Variants in MEGF11 observed in about 807,000 individuals in gnomAD.
MEGF11 encodes multiple EGF like domains 11.
In MEGF11, 126 loss-of-function variants were observed where a neutral mutation model predicts 146.6. That is an observed-to-expected ratio of 0.86 (90% CI 0.74 to 1.00). The LOEUF is 1.00. Ranked by LOEUF, MEGF11 falls within the 50% of genes least tolerant of loss-of-function variation. MEGF11 has a pLI of 0.00. For missense variants in MEGF11, 1,509 were observed against 1,521.2 expected (o/e 0.99, Z 0.13); for synonymous variants, 532 against 583.4 (o/e 0.91, Z 1.27).
intron 1 of MEGF11, among the ~76,000 whole-genome samples, chr15:66,145,338 TA>T (rs201415893): frequency 2.8e-3 from 403 of 143,912 alleles, no homozygotes; most frequent in African/African-American, 7.1e-3. Flanking sequence ...GAAAAGGAGG[TA>T]AAAAAAAAAA....
At chr15:66,225,846 C>T (rs1035963480) in intron 1 of MEGF11, among the ~76,000 whole-genome samples, 1 of 152,156 alleles carries the variant, frequency 6.6e-6, no homozygotes. Flanking sequence ...TAACAGCTTA[C>T]ATACATATAC....
chr15:65,913,356 G>C (rs1263669969), intron 20 of MEGF11, among the ~76,000 whole-genome samples: 1 of 152,194 alleles, frequency 6.6e-6, no homozygotes, highest in Non-Finnish European at 1.5e-5. Flanking sequence ...TGAGCTCTGG[G>C]CACTGGGCTC....
intron 9 of MEGF11, among the ~76,000 whole-genome samples, chr15:65,961,677 C>T (rs2080862405): frequency 1.3e-5 from 2 of 152,234 alleles, no homozygotes; most frequent in African/African-American, 2.4e-5. Flanking sequence ...AATCTCTGTG[C>T]AGCAGCCTTG....
chr15:66,016,068 G>A (rs924726913), intron 5 of MEGF11, among the ~76,000 whole-genome samples: 1 of 151,950 alleles, frequency 6.6e-6, no homozygotes, highest in African/African-American at 2.4e-5. Context: ...GAATGGGAGA[G>A]GGCAAAGAAT....
intron 5 of MEGF11, among the ~76,000 whole-genome samples, chr15:66,092,599 C>G (rs2086364106): frequency 6.6e-6 from 1 of 152,178 alleles, no homozygotes; most frequent in South Asian, 2.1e-4. Flanking sequence ...ACTGCCTAGT[C>G]CTGTTCATCA....
rs2078896772 is a variant in MEGF11 at position 65,913,803 on chromosome 15, C to A, written c.2644G>T (p.Asp882Tyr). ...HRRRQKEKGR[D>Y]LAPRVSYTPA... ...GTGTAGGAGACACGGGGAGCCAGGT[C>A]TCGGCCCTTCTCTTTCTGCCGCCGC... is the stretch of plus-strand genomic sequence containing the variant. The change falls in exon 20 of 26, where the codon GAC (aspartate) becomes TAC (tyrosine). Residue 882 changes from aspartate to tyrosine, a missense_variant. Coordinates refer to ENST00000395614, the MANE Select transcript of MEGF11 (RefSeq NM_001385028.1). 6.2e-7 allele frequency: 1 copy of A among 1,613,866 alleles called. No homozygotes were observed. The highest frequency in any genetic ancestry group is 8.5e-7 in the Non-Finnish European group (1 of 1,179,826).
At chr15:65,915,647 C>T (rs374348098) in intron 18 of MEGF11, 49 bp from the exon 19 acceptor site, 93 of 1,596,790 alleles carry the variant, frequency 5.8e-5, no homozygotes, top group African/African-American at 4.6e-4. Flanking sequence ...CTCTCCACCC[C>T]TCCCCTTCCA....
chr15:66,139,802 C>T (rs541291053), intron 1 of MEGF11, among the ~76,000 whole-genome samples: 1 of 152,222 alleles, frequency 6.6e-6, no homozygotes, highest in Middle Eastern at 3.4e-3. Flanking sequence ...CTGAGGGTTC[C>T]GTGGAAGAAT....
At chr15:66,150,428 T>C (rs1442335097) in intron 1 of MEGF11, among the ~76,000 whole-genome samples, 3 of 152,158 alleles carry the variant, frequency 2.0e-5, no homozygotes, top group Non-Finnish European at 4.4e-5. Context: ...CTACTCAGAA[T>C]GAAGACTTCC....
chr15:66,200,587 GA>G (rs1175473004), intron 1 of MEGF11, among the ~76,000 whole-genome samples: 1 of 152,110 alleles, frequency 6.6e-6, no homozygotes, highest in Non-Finnish European at 1.5e-5. Context: ...GAGGTGACAG[GA>G]ATGACAGAGC....
rs76496103 is a variant in MEGF11 at position 66,012,445 on chromosome 15, C to T, written c.395-29957G>A. ...GGATGACAGACCCCAAAGCTAGAGC[C>T]AATGGGATGTCTTCAAGCGCCTGCC... is the stretch of plus-strand genomic sequence containing the variant. On this transcript the variant is annotated intron_variant, in intron 5 of 25. Transcript: ENST00000395614. Among the ~76,000 whole-genome samples the T allele has an allele frequency of 7.2e-3, 1,089 of 152,254 alleles. 13 individuals are homozygous for T. Among genetic ancestry groups the T allele is most frequent in the African/African-American group, 0.025 (1,052 of 41,534 alleles).
intron 1 of MEGF11, among the ~76,000 whole-genome samples, chr15:66,201,845 G>C (rs953385343): frequency 1.3e-5 from 2 of 150,446 alleles, no homozygotes; most frequent in African/African-American, 4.9e-5. Flanking sequence ...TACTCGGGAG[G>C]TTGAGGCAGA....
intron 5 of MEGF11, among the ~76,000 whole-genome samples, chr15:66,021,443 G>A (rs2083129168): frequency 6.6e-6 from 1 of 152,086 alleles, no homozygotes; most frequent in African/African-American, 2.4e-5. Context: ...AATCTCTTTG[G>A]GAATAGAAGC....
intron 1 of MEGF11, among the ~76,000 whole-genome samples, chr15:66,184,302 G>T (rs988357985): frequency 6.6e-6 from 1 of 152,064 alleles, no homozygotes; most frequent in Non-Finnish European, 1.5e-5. Flanking sequence ...CACTGAAGAT[G>T]CCTGTTTCCA....
Position 66,119,206 on chromosome 15 carries a change from G to A in MEGF11, c.201-20C>T, listed in dbSNP as rs1486498223. ...CTGATCCTAAGGCACAAGGGAGAAAGCCACTTGAAAGTATTGAAAATCAAT... is the reference window on the plus strand; with the variant it reads ...CTGATCCTAAGGCACAAGGGAGAAAACCACTTGAAAGTATTGAAAATCAAT... On this transcript the variant is annotated intron_variant, in intron 3 of 25. Transcript: ENST00000395614. 6.6e-6 allele frequency: 10 copies of A among 1,509,978 alleles called. No individual in the cohort carries two copies. The African/African-American group carries it at 6.9e-5, about 10-fold the overall frequency. The allele number at this position is 1,509,978 out of a possible 1,614,324, so 93.5% of individuals were successfully genotyped here.
At chr15:65,907,575 G>A (rs1368621942) in intron 23 of MEGF11, among the ~76,000 whole-genome samples, 1 of 152,256 alleles carries the variant, frequency 6.6e-6, no homozygotes, top group South Asian at 2.1e-4. Context: ...GATTACAGAC[G>A]TGAGCCACCG....
At chr15:66,199,910 A>AAAAAT (rs59958390) in intron 1 of MEGF11, among the ~76,000 whole-genome samples, 3,001 of 151,300 alleles carry the variant, frequency 0.02, 111 homozygotes, top group African/African-American at 0.069. Flanking sequence ...GGGGTTTGGC[A>AAAAAT]AAAATAAAAT....
In MEGF11 at chr15:65,929,712, G is replaced by A. The variant is rs770724377; in HGVS notation, c.1572+8C>T. The A allele has an allele frequency of 3.2e-6, 5 of 1,549,216 alleles. No individual in the cohort carries two copies. In the Admixed American group the frequency reaches 9.8e-5, roughly 30 times the overall value. ...GCCCAACCTGTCCCTCCCCACCCTG[G>A]CACTCACCGGGCAAGGCAGCTCACA... is the stretch of plus-strand genomic sequence containing the variant. On this transcript the variant is annotated splice_region_variant and intron_variant, in intron 12 of 25. Transcript: ENST00000395614.
intron 7 of MEGF11, among the ~76,000 whole-genome samples, chr15:65,975,404 C>G (rs2081415394): frequency 6.6e-6 from 1 of 152,218 alleles, no homozygotes; most frequent in Non-Finnish European, 1.5e-5. Flanking sequence ...CTAGGGAAAT[C>G]AAGCATCCTT....
Sources: allele counts gnomAD v4.1 joint callset (sites outside exome capture counted in the v4.1 genomes callset), GRCh38; gene constraint gnomAD v4.1.1; transcripts MANE v1.5; gene names NCBI Gene and HGNC (gene_info 2026-07-23, HGNC 2026-07-21).